The following PALS1 variants were observed in gnomAD, a reference collection of about 807,000 sequenced individuals.
PALS1 encodes the protein protein PALS1.
A neutral mutation model predicts 78.9 loss-of-function variants in PALS1; 31 were observed. The ratio of observed to expected loss-of-function variants is 0.39; its 90% CI spans 0.30 to 0.53. PALS1 has a LOEUF of 0.53. Among genes scored for constraint, PALS1 ranks in the 20% least tolerant of loss-of-function variants. The probability of loss-of-function intolerance (pLI) is 0.67; values close to 1 mark genes in which losing one functional copy is unlikely to be tolerated. For missense variants in PALS1, 704 were observed against 826.5 expected, an observed-to-expected ratio of 0.85 and a Z score of 1.82; for synonymous variants, 276 against 270.9, an observed-to-expected ratio of 1.02 and a Z score of -0.18.
intron 2 of PALS1, chr14:67,270,125 A>T (rs1364008142): frequency 6.6e-6 from 1 of 152,182 alleles, no homozygotes; most frequent in Admixed American, 6.5e-5. Flanking sequence ...AAATGGTTCT[A>T]TTCGTTGGTA....
At chr14:67,317,129 T>C (rs913172134) in intron 10 of PALS1, among the ~76,000 whole-genome samples, 3 of 152,166 alleles carry the variant, frequency 2.0e-5, no homozygotes, top group Admixed American at 6.6e-5. Flanking sequence ...TCCTGAAAAA[T>C]AGTCTTTATA....
At chr14:67,319,842 G>A (rs139939877) in intron 11 of PALS1, among the ~76,000 whole-genome samples, 41 of 152,160 alleles carry the variant, frequency 2.7e-4, no homozygotes, top group African/African-American at 9.9e-4. Flanking sequence ...TATACATTAT[G>A]TCTGATTCTT....
At chr14:67,312,372 A>G (rs1189079412) in intron 8 of PALS1, among the ~76,000 whole-genome samples, 155 bp from the exon 9 acceptor site, 4 of 152,186 alleles carry the variant, frequency 2.6e-5, no homozygotes, top group Non-Finnish European at 5.9e-5. Flanking sequence ...GAGGCTAGAA[A>G]TTTGAGATTA....
rs140130388 is a variant in PALS1 at position 67,312,688 on chromosome 14, A to G, written c.1203A>G (p.Gln401=). The stretch of plus-strand genomic sequence containing the variant: ...ACAGGGAAGGGGACGAAGATAATCA[A>G]CCTCTAGCCGGGCTTGTTCCAGGTA... ...QAYREGDEDN[Q]PLAGLVPGKS... is the part of the protein sequence containing the mutation. The change falls in exon 9 of 15, where the codon CAA becomes CAG. Residue 401 remains glutamine, a synonymous_variant. Coordinates refer to ENST00000261681, the MANE Select transcript of PALS1 (RefSeq NM_022474.4). 2.0e-5 allele frequency: 33 copies of G among 1,610,172 alleles called. No homozygotes were observed. Among genetic ancestry groups the G allele is most frequent in the Middle Eastern group, 1.6e-4 (1 of 6,066 alleles).
At position 67,312,559 on chromosome 14, in the gene PALS1, C is replaced by T. The variant is rs1434518284; in HGVS notation, c.1074C>T (p.Pro358=). The change falls in exon 9 of 15, where the codon CCC becomes CCT. Residue 358 remains proline, a synonymous_variant. Coordinates refer to ENST00000261681, the MANE Select transcript of PALS1 (RefSeq NM_022474.4). ...TAAAAGCTCATTTTGACTATGACCCCTCAGATGACCCTTATGTTCCATGTC... is the reference window on the plus strand; with the variant it reads ...TAAAAGCTCATTTTGACTATGACCCTTCAGATGACCCTTATGTTCCATGTC... ...IHVKAHFDYD[P]SDDPYVPCRE... 5 of 1,604,960 alleles carry T rather than the reference C, an allele frequency of 3.1e-6. No homozygotes were observed. The highest frequency in any genetic ancestry group is 1.3e-5 in the African/African-American group (1 of 74,698).
At chr14:67,280,316 G>T (rs1366305752) in intron 3 of PALS1, among the ~76,000 whole-genome samples, 1 of 152,210 alleles carries the variant, frequency 6.6e-6, no homozygotes, top group Non-Finnish European at 1.5e-5. Flanking sequence ...CACTGAACTA[G>T]TGTTAGGAGA....
rs36091817 is a variant in PALS1 at position 67,300,336 on chromosome 14, C to CTTTTTTTTTTTTTTTTTTT, written c.577-1042_577-1041insTTTTTTTTTTTTTTTTTTT. Among the ~76,000 whole-genome samples, 139 of 139,030 alleles carry CTTTTTTTTTTTTTTTTTTT rather than the reference C, an allele frequency of 1.0e-3. 4 individuals carry two copies. Among genetic ancestry groups the CTTTTTTTTTTTTTTTTTTT allele is most frequent in the African/African-American group, 1.8e-3 (65 of 35,578 alleles). The allele number at this position is 139,030 out of a possible 152,430, so 91.2% of individuals were successfully genotyped here. A position where few individuals can be genotyped will look rare whatever the true frequency, so the allele number is the denominator to read the frequency against. ...ACTGGGTTCCTGTATTATGAATTAC[C>CTTTTTTTTTTTTTTTTTTT]TTTTTTTTTTTGAGAAAGTCTCATT... On this transcript the variant is annotated intron_variant, in intron 4 of 14. Transcript: ENST00000261681.
intron 3 of PALS1, among the ~76,000 whole-genome samples, chr14:67,284,748 G>A (rs2084659692): frequency 6.6e-6 from 1 of 151,608 alleles, no homozygotes; most frequent in Admixed American, 6.6e-5. Context: ...CATAACATAG[G>A]CTCTTTTGTG....
chr14:67,295,655 G>A (rs1282455277), intron 4 of PALS1, among the ~76,000 whole-genome samples: 1 of 152,132 alleles, frequency 6.6e-6, no homozygotes, highest in Non-Finnish European at 1.5e-5. Context: ...AAAACATAAT[G>A]AGATACAGTT....
intron 14 of PALS1, among the ~76,000 whole-genome samples, chr14:67,331,619 G>T (rs2141064424): frequency 6.6e-6 from 1 of 152,194 alleles, no homozygotes; most frequent in East Asian, 1.9e-4. Context: ...GTCGTGGATT[G>T]TAATTTGAAA....
intron 1 of PALS1, among the ~76,000 whole-genome samples, chr14:67,257,418 A>C (rs146834879): frequency 1.1e-3 from 166 of 152,268 alleles, no homozygotes; most frequent in African/African-American, 3.8e-3. Flanking sequence ...GGTTTGTCTG[A>C]CATAGTTCCC....
chr14:67,244,468 T>G (rs577258893), intron 1 of PALS1, among the ~76,000 whole-genome samples: 9 of 152,256 alleles, frequency 5.9e-5, no homozygotes, highest in African/African-American at 1.7e-4. Context: ...ATATAATTGC[T>G]TCTTTTCTTT....
intron 4 of PALS1, chr14:67,295,112 T>G (rs2084828837): frequency 6.6e-6 from 1 of 151,442 alleles, no homozygotes. Context: ...GAAGTGTGTG[T>G]GTGTGTGTGT....
intron 7 of PALS1, among the ~76,000 whole-genome samples, chr14:67,302,914 G>A (rs2084950728): frequency 6.6e-6 from 1 of 152,000 alleles, no homozygotes. Flanking sequence ...ATGATTTTTT[G>A]TGTTCTTTTA....
intron 14 of PALS1, among the ~76,000 whole-genome samples, chr14:67,326,076 C>T (rs1367037806): frequency 1.8e-4 from 27 of 148,792 alleles, no homozygotes; most frequent in African/African-American, 6.2e-4. Context: ...CCAGCCTCCT[C>T]GGCCTCCCAA....
rs775264852 is a variant in PALS1 at position 67,302,595 on chromosome 14, T to G, written c.963+24T>G. ...TGGTAAGTTGACGCAGCTAGAAGAA[T>G]AATTGATAGCTTTTAGAAAGCTCTT... On this transcript the variant is annotated intron_variant, in intron 7 of 14. Coordinates refer to ENST00000261681, the MANE Select transcript of PALS1 (RefSeq NM_022474.4). 25 of 1,431,890 alleles carry G rather than the reference T, an allele frequency of 1.7e-5. No homozygotes were observed. The South Asian group carries it at 3.1e-4, about 18-fold the overall frequency. 88.7% of individuals were successfully genotyped at this position (1,431,890 alleles called of 1,614,324 possible). A position where few individuals can be genotyped will look rare whatever the true frequency, so the allele number is the denominator to read the frequency against.
chr14:67,264,816 T>TA (rs1320603543), intron 1 of PALS1, among the ~76,000 whole-genome samples: 1 of 152,196 alleles, frequency 6.6e-6, no homozygotes, highest in Non-Finnish European at 1.5e-5. Flanking sequence ...GTGTTATATA[T>TA]ATGCTTTTTG....
chr14:67,307,150 T>C, intron 8 of PALS1, among the ~76,000 whole-genome samples: 1 of 152,192 alleles, frequency 6.6e-6, no homozygotes, highest in East Asian at 1.9e-4. Flanking sequence ...GGCAAGAGTC[T>C]TGGCACCTCT....
intron 1 of PALS1, among the ~76,000 whole-genome samples, chr14:67,262,134 C>T (rs1430381414): frequency 2.0e-5 from 3 of 152,050 alleles, no homozygotes; most frequent in Non-Finnish European, 1.5e-5. Flanking sequence ...ACCTGTCTAC[C>T]TTTCAGGGCA....
Sources: gnomAD v4.1 joint callset for allele counts (sites outside exome capture counted in the v4.1 genomes callset) on GRCh38, gnomAD v4.1.1 for gene constraint, MANE v1.5 for transcripts, NCBI Gene and HGNC (gene_info 2026-07-23, HGNC 2026-07-21) for gene names.